The following HIBCH variants were observed in gnomAD, a reference collection of about 807,000 sequenced individuals.
HIBCH encodes the protein 3-hydroxyisobutyryl-CoA hydrolase.
A neutral mutation model predicts 58.2 loss-of-function variants in HIBCH; 50 were observed. That is an observed-to-expected ratio of 0.86 (90% CI 0.68 to 1.09). The LOEUF (loss-of-function observed/expected upper bound fraction) is 1.09, where lower values mean the gene tolerates loss of function less well. Among genes scored for constraint, HIBCH ranks in the 50% least tolerant of loss-of-function variants. HIBCH has a pLI of 0.00. For missense variants in HIBCH, 450 were observed against 449.7 expected, an observed-to-expected ratio of 1.00 and a Z score of -0.01; for synonymous variants, 151 against 146.9, an observed-to-expected ratio of 1.03 and a Z score of -0.20.
rs756356410 is a variant in HIBCH, at chr2:190,261,249, C to CA, written c.439-16dup. ...AGACCAACTCCCTAGAGAAAAAAGG[C>CA]AAAAAAAGAGGCGGGGGGGAATTAA... On this transcript the variant is annotated splice_polypyrimidine_tract_variant and intron_variant, in intron 6 of 13. Coordinates refer to ENST00000359678, the MANE Select transcript of HIBCH (RefSeq NM_014362.4). 1.9e-5 allele frequency: 28 copies of CA among 1,513,344 alleles called. No individual in the cohort carries two copies. Among genetic ancestry groups the CA allele is most frequent in the African/African-American group, 4.2e-5 (3 of 71,820 alleles). 93.7% of individuals were successfully genotyped at this position (1,513,344 alleles called of 1,614,324 possible). A position where few individuals can be genotyped will look rare whatever the true frequency, so the allele number is the denominator to read the frequency against.
downstream of HIBCH, chr2:190,200,151 CT>C (rs759060258): frequency 6.2e-7 from 1 of 1,612,082 alleles, no homozygotes; most frequent in Non-Finnish European, 8.5e-7. Flanking sequence ...GGCCTTGAGG[CT>C]GTAGGATGAC....
intron 6 of HIBCH, among the ~76,000 whole-genome samples, chr2:190,285,292 G>A (rs755915087): frequency 1.3e-5 from 2 of 152,110 alleles, no homozygotes; most frequent in African/African-American, 2.4e-5. Flanking sequence ...TTTACATGCT[G>A]TTGGGTATGC....
intron 11 of HIBCH, among the ~76,000 whole-genome samples, chr2:190,238,525 G>A (rs1403476947): frequency 1.3e-5 from 2 of 152,058 alleles, no homozygotes; most frequent in African/African-American, 2.4e-5. Flanking sequence ...AGGGCAGTAG[G>A]GTGATCTTGG....
intron 11 of HIBCH, among the ~76,000 whole-genome samples, chr2:190,221,080 G>A (rs1443862640): frequency 1.5e-5 from 2 of 137,538 alleles, no homozygotes; most frequent in Non-Finnish European, 3.4e-5. Context: ...CCGTTTATCT[G>A]TGCTTGTTTC....
chr2:190,301,450 G>A (rs1559061692), intron 2 of HIBCH, among the ~76,000 whole-genome samples: 1 of 152,168 alleles, frequency 6.6e-6, no homozygotes, highest in African/African-American at 2.4e-5. Flanking sequence ...AATTTAAAAA[G>A]GCAGTCAATC....
chr2:190,238,516 G>A (rs939999331), intron 11 of HIBCH, among the ~76,000 whole-genome samples: 1 of 152,128 alleles, frequency 6.6e-6, no homozygotes, highest in Non-Finnish European at 1.5e-5. Context: ...CCAGGCTGGA[G>A]GGCAGTAGGG....
chr2:190,231,200 C>A (rs13405019), intron 11 of HIBCH, among the ~76,000 whole-genome samples: 1 of 151,824 alleles, frequency 6.6e-6, no homozygotes, highest in Admixed American at 6.6e-5. Flanking sequence ...TTTTACACTA[C>A]GCACAAAAAA....
chr2:190,302,845 G>T (rs1227111397), intron 2 of HIBCH, among the ~76,000 whole-genome samples: 1 of 152,154 alleles, frequency 6.6e-6, no homozygotes, highest in Non-Finnish European at 1.5e-5. Flanking sequence ...GTGGTGATAA[G>T]GAAGCTAACT....
Position 190,319,752 on chromosome 2 carries a change from G to C in HIBCH, c.-2C>G, listed in dbSNP as rs745602636. 3 of 1,611,622 alleles carry C rather than the reference G, an allele frequency of 1.9e-6. No homozygotes were observed. Among genetic ancestry groups the C allele is most frequent in the Admixed American group, 3.3e-5 (2 of 59,836 alleles). Reference sequence around the variant, plus strand: ...CCTCCACATCTCGCGCTGCCCCATCGCCAAACACTCCGAAGCTAAAGCAGC... The same window carrying C: ...CCTCCACATCTCGCGCTGCCCCATCCCCAAACACTCCGAAGCTAAAGCAGC... On this transcript the variant is annotated 5_prime_UTR_variant, in exon 1 of 14. Transcript: ENST00000359678.
chr2:190,223,801 G>T (rs993414437), intron 11 of HIBCH, among the ~76,000 whole-genome samples: 7 of 152,188 alleles, frequency 4.6e-5, no homozygotes, highest in Non-Finnish European at 2.9e-5. Flanking sequence ...ACAGAAGATG[G>T]CCGAATAGGA....
chr2:190,258,969 A>G (rs1321967980), intron 7 of HIBCH, among the ~76,000 whole-genome samples: 7 of 152,114 alleles, frequency 4.6e-5, no homozygotes, highest in Admixed American at 4.6e-4. Context: ...ATTCTTTTCC[A>G]GTGGTCTACG....
At chr2:190,310,970 C>T (rs751768446) in intron 1 of HIBCH, 174 bp from the exon 2 acceptor site, 14 of 703,168 alleles carry the variant, frequency 2.0e-5, no homozygotes, top group Non-Finnish European at 3.1e-5. Context: ...GGTACAGCCA[C>T]TTTGCACATG....
chr2:190,286,508 T>C (rs553008420), intron 6 of HIBCH, among the ~76,000 whole-genome samples: 66 of 152,278 alleles, frequency 4.3e-4, no homozygotes, highest in African/African-American at 1.6e-3. Context: ...GACATTACTT[T>C]TTCTCTCCTC....
chr2:190,279,363 T>C lies in HIBCH; in HGVS notation c.438+8223A>G, dbSNP rs2105973559. Among the ~76,000 whole-genome samples, 3 of 152,310 alleles carry C rather than the reference T, an allele frequency of 2.0e-5. No individual in the cohort carries two copies. The Middle Eastern group carries it at 0.01, about 518-fold the overall frequency. On this transcript the variant is annotated intron_variant, in intron 6 of 13. Transcript: ENST00000359678. The surrounding 1 kb of genome is among the most constrained non-coding windows in gnomAD (Gnocchi z 4.2). ...TTCCATCCCTGACCTCCCAAACTCA[T>C]ATCCTTCTCACATACAAATACATTC...
At chr2:190,272,586 G>A (rs558843653) in intron 6 of HIBCH, among the ~76,000 whole-genome samples, 1 of 151,974 alleles carries the variant, frequency 6.6e-6, no homozygotes, top group Admixed American at 6.6e-5. Flanking sequence ...ACCTAGGGTG[G>A]TTTCATATTA....
intron 1 of HIBCH, among the ~76,000 whole-genome samples, chr2:190,317,293 G>A (rs917067769): frequency 1.3e-5 from 2 of 152,166 alleles, no homozygotes; most frequent in East Asian, 3.8e-4. Context: ...ACACTTACCA[G>A]AATTGGTAAT....
rs116357446 is a variant in HIBCH, at chr2:190,249,005, G to A, written c.750+635C>T. 4.2e-3 allele frequency among the ~76,000 whole-genome samples: 644 copies of A among 152,270 alleles called. 2 individuals are homozygous for A. Among genetic ancestry groups the A allele is most frequent in the African/African-American group, 0.015 (630 of 41,554 alleles). On this transcript the variant is annotated intron_variant, in intron 9 of 13. Coordinates refer to ENST00000359678, the MANE Select transcript of HIBCH (RefSeq NM_014362.4). Reference sequence around the variant, plus strand: ...AGCTGACTTCTTATTGGCTTTCAGAGTTCTTTGGTTTAAGTTAGCAGCACT... The same window carrying A: ...AGCTGACTTCTTATTGGCTTTCAGAATTCTTTGGTTTAAGTTAGCAGCACT...
chr2:190,255,979 G>C (rs967620848), intron 7 of HIBCH, among the ~76,000 whole-genome samples: 1 of 152,104 alleles, frequency 6.6e-6, no homozygotes, highest in Non-Finnish European at 1.5e-5. Flanking sequence ...GGAAACTTAC[G>C]ATCATGGCAG....
rs185100908 is a variant in HIBCH at position 190,226,832 on chromosome 2, G to C, written c.892-13757C>G. 2.0e-4 allele frequency among the ~76,000 whole-genome samples: 30 copies of C among 152,204 alleles called. No individual in the cohort carries two copies. The South Asian group carries it at 2.3e-3, about 12-fold the overall frequency. ...CATGAGTGAACTCCCATTCACAATA[G>C]CTTCAAAGAGAATAAAATACCTAAA... On this transcript the variant is annotated intron_variant, in intron 11 of 13. Coordinates refer to ENST00000359678, the MANE Select transcript of HIBCH (RefSeq NM_014362.4).
Sources: allele counts gnomAD v4.1 joint callset (sites outside exome capture counted in the v4.1 genomes callset), GRCh38; gene constraint gnomAD v4.1.1; non-coding constraint Gnocchi (gnomAD v3.1); transcripts MANE v1.5; gene names NCBI Gene and HGNC (gene_info 2026-07-23, HGNC 2026-07-21).